TSPEAR: variants seen among roughly 807,000 people sequenced by gnomAD.
TSPEAR encodes the protein thrombospondin type laminin G domain and EAR repeats, also known as thrombospondin-type laminin G domain and EAR repeat-containing protein.
TSPEAR carries 69 observed loss-of-function variants against 71.6 expected under a neutral mutation model. The observed-to-expected ratio is 0.96, with a 90% CI of 0.79 to 1.18. The LOEUF is 1.18. Ranked by LOEUF, TSPEAR falls within the 50% of genes most tolerant of loss-of-function variation. TSPEAR has a pLI of 0.00. For synonymous variants in TSPEAR, 402 were observed against 387.2 expected (o/e 1.04, Z -0.45); for missense variants, 971 against 894.9 (o/e 1.09, Z -1.09).
At chr21:44,555,374 C>T (rs782323026) in intron 2 of TSPEAR, among the ~76,000 whole-genome samples, 19 of 151,508 alleles carry the variant, frequency 1.3e-4, no homozygotes, top group Non-Finnish European at 2.4e-4. Flanking sequence ...CTCCCATCCT[C>T]CCCAAGGGGT....
At chr21:44,591,223 C>T in intron 1 of TSPEAR, 2 of 1,413,344 alleles carry the variant, frequency 1.4e-6, no homozygotes, top group Non-Finnish European at 1.9e-6. Context: ...TGGGGTCTCT[C>T]ATGCAGCCAG....
Position 44,545,330 on chromosome 21 carries a change from GATTA to G in TSPEAR, c.304-11411_304-11408del, listed in dbSNP as rs1315780516. Among the ~76,000 whole-genome samples the G allele has an allele frequency of 2.2e-3, 335 of 150,334 alleles. 1 individual carries two copies. The highest frequency in any genetic ancestry group is 7.8e-3 in the African/African-American group (316 of 40,696). On this transcript the variant is annotated intron_variant, in intron 2 of 11. Coordinates refer to ENST00000323084, the MANE Select transcript of TSPEAR (RefSeq NM_144991.3). ...AAGACTCTGTCTCAAAAAAAAAATT[GATTA>G]ATTAATTAATTAAAAAAAAAAGAAT...
At chr21:44,689,164 A>G (rs1396970084) in intron 1 of TSPEAR, among the ~76,000 whole-genome samples, 3 of 152,070 alleles carry the variant, frequency 2.0e-5, no homozygotes, top group Non-Finnish European at 4.4e-5. Flanking sequence ...ATAAACTAAC[A>G]TATCACTGCA....
At chr21:44,647,134 T>C in intron 1 of TSPEAR, 1 of 1,614,144 alleles carries the variant, frequency 6.2e-7, no homozygotes, top group Non-Finnish European at 8.5e-7. Flanking sequence ...GCCAGCTTGC[T>C]GCACCACCTC....
chr21:44,556,067 T>C (rs2053522441), intron 2 of TSPEAR, among the ~76,000 whole-genome samples: 1 of 152,166 alleles, frequency 6.6e-6, no homozygotes, highest in Non-Finnish European at 1.5e-5. Flanking sequence ...ACAGAAAATT[T>C]CCAGTTATTC....
chr21:44,696,359 C>T (rs879960402), intron 1 of TSPEAR, among the ~76,000 whole-genome samples: 5 of 152,222 alleles, frequency 3.3e-5, no homozygotes, highest in South Asian at 2.1e-4. Flanking sequence ...ACATAGAATA[C>T]GGGCCTGCCA....
chr21:44,558,566 C>T (rs1201705463), intron 2 of TSPEAR: 2 of 1,612,350 alleles, frequency 1.2e-6, no homozygotes, highest in Admixed American at 3.3e-5. Context: ...ACACACAGCT[C>T]ACTGGGGTGC....
chr21:44,627,350 T>A (rs782283195), intron 1 of TSPEAR: 1 of 1,613,400 alleles, frequency 6.2e-7, no homozygotes, highest in Non-Finnish European at 8.5e-7. Flanking sequence ...TGCTGCCAGG[T>A]GACCTGTGAG....
rs1555915037 is a variant in TSPEAR at position 44,527,293 on chromosome 21, T to C, written c.1148A>G (p.Lys383Arg). The change falls in exon 7 of 12, where the codon AAG (lysine) becomes AGG (arginine). Residue 383 changes from lysine (K) to arginine (R), a missense_variant and splice_region_variant. Lys to Arg is a conservative substitution (Grantham distance 26). Coordinates refer to ENST00000323084, the MANE Select transcript of TSPEAR (RefSeq NM_144991.3). ...GAAAGTCACCGAACACAGACTTGCCTTTTTCCCGATGGTGAAATGCCTCCA... is the reference window on the plus strand; with the variant it reads ...GAAAGTCACCGAACACAGACTTGCCCTTTTCCCGATGGTGAAATGCCTCCA... ...QAWRHFTIGK[K>R]IFLAVANFEP... 2.5e-6 allele frequency: 4 copies of C among 1,613,876 alleles called. No homozygotes were observed. The Admixed American group carries it at 5.0e-5, about 20-fold the overall frequency.
At chr21:44,585,962 G>T (rs1555925620) in intron 1 of TSPEAR, among the ~76,000 whole-genome samples, 1 of 152,212 alleles carries the variant, frequency 6.6e-6, no homozygotes, top group Non-Finnish European at 1.5e-5. Context: ...AGCTGACACT[G>T]GGGCTCTCAG....
chr21:44,518,146 T>C lies in TSPEAR; in HGVS notation c.1566+3737A>G, dbSNP rs1259116672. 5 of 365,770 alleles carry C rather than the reference T, an allele frequency of 1.4e-5. 1 individual carries two copies. The highest frequency in any genetic ancestry group is 8.0e-4 in the Middle Eastern group (2 of 2,486). 22.7% of individuals were successfully genotyped at this position (365,770 alleles called of 1,614,324 possible). A position where few individuals can be genotyped will look rare whatever the true frequency, so the allele number is the denominator to read the frequency against. On this transcript the variant is annotated intron_variant, in intron 9 of 11. Coordinates refer to ENST00000323084, the MANE Select transcript of TSPEAR (RefSeq NM_144991.3). Reference sequence around the variant, plus strand: ...TTAGTAGCATTTTTTATTTCGTAAGTGCAGTATCATCTTGAATACTTCTGA... The same window carrying C: ...TTAGTAGCATTTTTTATTTCGTAAGCGCAGTATCATCTTGAATACTTCTGA...
intron 1 of TSPEAR, among the ~76,000 whole-genome samples, chr21:44,659,512 A>G (rs1168000054): frequency 1.3e-5 from 2 of 152,218 alleles, no homozygotes; most frequent in Non-Finnish European, 2.9e-5. Context: ...AGACGCACGC[A>G]TTTCCAGAAG....
intron 1 of TSPEAR, among the ~76,000 whole-genome samples, chr21:44,605,849 T>A (rs1265743459): frequency 1.3e-5 from 2 of 152,202 alleles, no homozygotes; most frequent in African/African-American, 4.8e-5. Flanking sequence ...GTGATACTGC[T>A]AGAAGAAAGC....
intron 1 of TSPEAR, among the ~76,000 whole-genome samples, chr21:44,624,267 A>G (rs1555933975): frequency 6.6e-6 from 1 of 152,230 alleles, no homozygotes; most frequent in South Asian, 2.1e-4. Flanking sequence ...TCATAAATCT[A>G]GTTTGACACT....
chr21:44,608,878 G>A (rs919732145), intron 1 of TSPEAR, among the ~76,000 whole-genome samples: 3 of 152,204 alleles, frequency 2.0e-5, no homozygotes, highest in African/African-American at 7.2e-5. Flanking sequence ...GCACAATGAA[G>A]AGAAATTAGT....
At chr21:44,603,579 G>C (rs936722045) in intron 1 of TSPEAR, among the ~76,000 whole-genome samples, 20 of 152,212 alleles carry the variant, frequency 1.3e-4, no homozygotes, top group Non-Finnish European at 2.4e-4. Context: ...CTTCAGGGGA[G>C]GTGTGCTGTG....
At chr21:44,698,615 G>A (rs1309716285) in intron 1 of TSPEAR, among the ~76,000 whole-genome samples, 1 of 152,216 alleles carries the variant, frequency 6.6e-6, no homozygotes, top group Non-Finnish European at 1.5e-5. Flanking sequence ...CCTGCCAAGT[G>A]GGGGCTGGCT....
intron 9 of TSPEAR, among the ~76,000 whole-genome samples, chr21:44,513,992 C>G (rs1486289481): frequency 6.6e-6 from 1 of 152,140 alleles, no homozygotes; most frequent in Non-Finnish European, 1.5e-5. Flanking sequence ...TCTTGGGTGC[C>G]CCCCGTGCTC....
chr21:44,559,830 G>C lies in TSPEAR; in HGVS notation c.303+7955C>G, dbSNP rs191514869. ...CTAAATCTTTGAAATGGCAAAGGCA[G>C]AGGCTCTGATGATGCTCTAGGCTGC... is the stretch of plus-strand genomic sequence containing the variant. On this transcript the variant is annotated intron_variant, in intron 2 of 11. Coordinates refer to ENST00000323084, the MANE Select transcript of TSPEAR (RefSeq NM_144991.3). Among the ~76,000 whole-genome samples, 17 of 152,256 alleles carry C rather than the reference G, an allele frequency of 1.1e-4. No homozygotes were observed. The East Asian group carries it at 2.7e-3, about 24-fold the overall frequency.
Sources: allele counts gnomAD v4.1 joint callset (sites outside exome capture counted in the v4.1 genomes callset), GRCh38; gene constraint gnomAD v4.1.1; transcripts MANE v1.5; gene names NCBI Gene and HGNC (gene_info 2026-07-23, HGNC 2026-07-21).